Variants in TRPS1 observed in about 807,000 individuals in gnomAD.
The protein encoded by TRPS1 is zinc finger transcription factor Trps1.
A neutral mutation model predicts 101.2 loss-of-function variants in TRPS1; 6 were observed. The observed-to-expected ratio is 0.06, with a 90% confidence interval of 0.03 to 0.12. TRPS1 has a LOEUF of 0.12. Among genes scored for constraint, TRPS1 ranks in the 10% least tolerant of loss-of-function variants. The pLI, the probability that TRPS1 is intolerant of heterozygous loss-of-function variation, is 1.00. For synonymous variants in TRPS1, 578 were observed against 589.8 expected (o/e 0.98, Z 0.29); for missense variants, 1,363 against 1,567.0 (o/e 0.87, Z 2.20).
Position 115,413,688 on chromosome 8 carries a change from T to C in TRPS1, c.*335A>G, listed in dbSNP as rs994127090. Reference sequence around the variant, plus strand: ...AAACCCTTTCAAATTCTAGACAGTTTTGGTCTCTTTCTTTATAAATATATT... The same window carrying C: ...AAACCCTTTCAAATTCTAGACAGTTCTGGTCTCTTTCTTTATAAATATATT... On this transcript the variant is annotated 3_prime_UTR_variant, in exon 7 of 7. Coordinates refer to ENST00000395715, the MANE Select transcript of TRPS1 (RefSeq NM_014112.5). 29 of 256,004 alleles carry C rather than the reference T, an allele frequency of 1.1e-4. No individual in the cohort carries two copies. The highest frequency in any genetic ancestry group is 6.2e-4 in the African/African-American group (27 of 43,508). The allele number at this position is 256,004 out of a possible 1,614,324, so 15.9% of individuals were successfully genotyped here.
chr8:115,608,121 G>T lies in TRPS1; in HGVS notation c.967-3119C>A, dbSNP rs116621892. 2.5e-3 allele frequency among the ~76,000 whole-genome samples: 378 copies of T among 152,176 alleles called. 2 individuals carry two copies. Among genetic ancestry groups the T allele is most frequent in the African/African-American group, 8.6e-3 (357 of 41,514 alleles). The stretch of plus-strand genomic sequence containing the variant: ...CTTTTCAAATGGCTGAATCCATCAC[G>T]GAGTAGGAAAATTTACTGCTTCTTA... On this transcript the variant is annotated intron_variant, in intron 3 of 6. Transcript: ENST00000395715.
chr8:115,583,713 G>A (rs1236741442), intron 5 of TRPS1, among the ~76,000 whole-genome samples: 6 of 151,948 alleles, frequency 3.9e-5, no homozygotes, highest in Non-Finnish European at 5.9e-5. Flanking sequence ...CAAGTTTATG[G>A]CAATGTGGCT....
At chr8:115,539,217 T>A (rs1179751755) in intron 5 of TRPS1, among the ~76,000 whole-genome samples, 2 of 152,170 alleles carry the variant, frequency 1.3e-5, no homozygotes, top group Non-Finnish European at 2.9e-5. Context: ...AGTAAAGACA[T>A]GACTGTAACA....
At chr8:115,455,985 C>T (rs573332030) in intron 5 of TRPS1, among the ~76,000 whole-genome samples, 5 of 151,820 alleles carry the variant, frequency 3.3e-5, no homozygotes, top group African/African-American at 4.8e-5. Flanking sequence ...AGGGTTTCAC[C>T]GTGTTAGCCA....
At chr8:115,595,901 C>A (rs1226490742) in intron 4 of TRPS1, among the ~76,000 whole-genome samples, 3 of 151,758 alleles carry the variant, frequency 2.0e-5, no homozygotes, top group Non-Finnish European at 4.4e-5. Context: ...TGAACTATAA[C>A]ATCCTGGGTA....
chr8:115,433,986 A>AC (rs5894255), intron 5 of TRPS1, among the ~76,000 whole-genome samples: 152,237 of 152,238 alleles, frequency 1, 76,118 homozygotes, highest in Middle Eastern at 1. Context: ...GAATCTTTTC[A>AC]CCTGAGTAGA....
chr8:115,531,730 G>T (rs997274449), intron 5 of TRPS1, among the ~76,000 whole-genome samples: 1 of 151,928 alleles, frequency 6.6e-6, no homozygotes, highest in African/African-American at 2.4e-5. Flanking sequence ...TAGCTGAGAA[G>T]GGTTAAAAAA....
intron 4 of TRPS1, among the ~76,000 whole-genome samples, chr8:115,598,849 T>G (rs1192326641): frequency 6.6e-6 from 1 of 152,230 alleles, no homozygotes; most frequent in Non-Finnish European, 1.5e-5. Context: ...ATGTCTTTTC[T>G]GAGTAGTCGA....
intron 5 of TRPS1, among the ~76,000 whole-genome samples, chr8:115,424,216 T>C (rs1813136662): frequency 1.3e-5 from 2 of 152,252 alleles, no homozygotes; most frequent in South Asian, 4.1e-4. Flanking sequence ...AAATCTGATT[T>C]ATATAATGTT....
At chr8:115,487,797 A>T (rs1814921918) in intron 5 of TRPS1, among the ~76,000 whole-genome samples, 1 of 152,218 alleles carries the variant, frequency 6.6e-6, no homozygotes, top group Non-Finnish European at 1.5e-5. Flanking sequence ...TGAGCAAAAA[A>T]AGTGGTTTCT....
At chr8:115,542,911 C>A (rs908689845) in intron 5 of TRPS1, among the ~76,000 whole-genome samples, 15 of 152,166 alleles carry the variant, frequency 9.9e-5, no homozygotes, top group African/African-American at 3.1e-4. Flanking sequence ...GGGAAAAGCA[C>A]AAGCTTAAGC....
At chr8:115,631,654 G>C (rs1387134740) in intron 1 of TRPS1, among the ~76,000 whole-genome samples, 1 of 147,530 alleles carries the variant, frequency 6.8e-6, no homozygotes, top group Non-Finnish European at 1.5e-5. Flanking sequence ...TGGATGGATG[G>C]ATGGATGGAT....
chr8:115,432,797 T>C (rs1259102432), intron 5 of TRPS1, among the ~76,000 whole-genome samples: 1 of 152,032 alleles, frequency 6.6e-6, no homozygotes, highest in Non-Finnish European at 1.5e-5. Context: ...ACTTATCTCA[T>C]TAACTTGACC....
intron 5 of TRPS1, among the ~76,000 whole-genome samples, chr8:115,556,197 A>T (rs1816816424): frequency 1.3e-5 from 2 of 152,276 alleles, no homozygotes; most frequent in Admixed American, 1.3e-4. Context: ...GTTGGCAATT[A>T]TTGCTTCCCC....
intron 5 of TRPS1, among the ~76,000 whole-genome samples, chr8:115,491,657 A>T (rs900892213): frequency 9.9e-5 from 15 of 151,728 alleles, no homozygotes; most frequent in Admixed American, 5.9e-4. Context: ...AGAAAGGAAG[A>T]AAGAAAGAAG....
At chr8:115,444,384 C>T (rs1415084092) in intron 5 of TRPS1, among the ~76,000 whole-genome samples, 1 of 152,210 alleles carries the variant, frequency 6.6e-6, no homozygotes, top group Non-Finnish European at 1.5e-5. Context: ...GTGCTCAATA[C>T]ATTTTCGTTA....
chr8:115,484,982 T>A (rs942961146), intron 5 of TRPS1, among the ~76,000 whole-genome samples: 1 of 152,204 alleles, frequency 6.6e-6, no homozygotes, highest in Non-Finnish European at 1.5e-5. Context: ...GGTCCTCCTG[T>A]ACATACACTT....
Position 115,421,946 on chromosome 8 carries a change from A to T in TRPS1, c.2701-3494T>A, listed in dbSNP as rs138755251. On this transcript the variant is annotated intron_variant, in intron 5 of 6. Transcript: ENST00000395715. ...GCAGAGTAGAAGCCTCCTGTGCCCT[A>T]TTTTCAAAAACAAAGCTTGGCTTTA... Among the ~76,000 whole-genome samples, 26 of 152,300 alleles carry T rather than the reference A, an allele frequency of 1.7e-4. No individual in the cohort carries two copies. In the East Asian group the frequency reaches 4.6e-3, roughly 27 times the overall value.
chr8:115,665,968 G>A (rs1370913392), intron 1 of TRPS1, among the ~76,000 whole-genome samples: 1 of 152,166 alleles, frequency 6.6e-6, no homozygotes, highest in East Asian at 1.9e-4. Context: ...CAGCTCGCCA[G>A]TGGTAAATAA....
Sources: gnomAD v4.1 joint callset for allele counts (sites outside exome capture counted in the v4.1 genomes callset) on GRCh38, gnomAD v4.1.1 for gene constraint, MANE v1.5 for transcripts, NCBI Gene and HGNC (gene_info 2026-07-23, HGNC 2026-07-21) for gene names.